FHOD3: variants seen among roughly 807,000 people sequenced by gnomAD.
The protein encoded by FHOD3 is FH1/FH2 domain-containing protein 3.
FHOD3 carries 90 observed loss-of-function variants against 173.0 expected under a neutral mutation model. The ratio of observed to expected loss-of-function variants is 0.52; its 90% CI spans 0.44 to 0.62. FHOD3 has a LOEUF of 0.62. FHOD3 is among the 20% of genes least tolerant of loss of function. The probability of loss-of-function intolerance (pLI) is 0.00; values close to 1 mark genes in which losing one functional copy is unlikely to be tolerated. For missense variants in FHOD3, 1,945 were observed against 2,034.7 expected (o/e 0.96, Z 0.85); for synonymous variants, 828 against 823.0 (o/e 1.01, Z -0.10).
chr18:36,400,321 G>GA (rs1474311585), intron 3 of FHOD3, among the ~76,000 whole-genome samples: 1 of 152,128 alleles, frequency 6.6e-6, no homozygotes, highest in Non-Finnish European at 1.5e-5. Context: ...TTTACCAAAA[G>GA]AAAAATAGAA....
chr18:36,617,722 C>T (rs2033342905), intron 9 of FHOD3, among the ~76,000 whole-genome samples: 1 of 152,132 alleles, frequency 6.6e-6, no homozygotes, highest in East Asian at 1.9e-4. Flanking sequence ...AGTGTCATTT[C>T]ATATTCTGGT....
chr18:36,445,840 A>G (rs1288921898), intron 3 of FHOD3, among the ~76,000 whole-genome samples: 3 of 152,244 alleles, frequency 2.0e-5, no homozygotes, highest in Non-Finnish European at 4.4e-5. Flanking sequence ...GCGGTCAGCC[A>G]CAGCCATCAG....
intron 10 of FHOD3, among the ~76,000 whole-genome samples, chr18:36,626,417 G>A (rs1239550168): frequency 7.9e-5 from 12 of 152,186 alleles, no homozygotes; most frequent in Non-Finnish European, 1.3e-4. Context: ...AATCCTATGA[G>A]ATATTATATG....
intron 3 of FHOD3, among the ~76,000 whole-genome samples, chr18:36,403,282 T>C (rs890612969): frequency 6.6e-6 from 1 of 152,214 alleles, no homozygotes; most frequent in Non-Finnish European, 1.5e-5. Flanking sequence ...ACTGGTAGAA[T>C]AGAGTAAGAC....
At chr18:36,435,673 A>G (rs2050775970) in intron 3 of FHOD3, among the ~76,000 whole-genome samples, 5 of 152,320 alleles carry the variant, frequency 3.3e-5, no homozygotes, top group South Asian at 4.1e-4. Flanking sequence ...AAAGCAACCC[A>G]TAGAACAAAT....
chr18:36,391,572 G>A (rs1337627031), intron 3 of FHOD3, among the ~76,000 whole-genome samples: 1 of 152,162 alleles, frequency 6.6e-6, no homozygotes, highest in African/African-American at 2.4e-5. Flanking sequence ...CAATGTCCTG[G>A]AAGCCTGGGG....
At chr18:36,512,693 T>TC (rs2146337231) in intron 5 of FHOD3, 150 bp downstream of exon 5, 7 of 617,878 alleles carry the variant, frequency 1.1e-5, no homozygotes, top group Admixed American at 2.7e-5. Flanking sequence ...ACATCTGCCA[T>TC]AGGTAAAACA....
chr18:36,389,770 C>G (rs1200715586), intron 3 of FHOD3, among the ~76,000 whole-genome samples: 1 of 152,132 alleles, frequency 6.6e-6, no homozygotes, highest in African/African-American at 2.4e-5. Context: ...CCCAGGAGGA[C>G]ATGTGTCTTC....
chr18:36,303,117 G>T (rs182823144), intron 1 of FHOD3, among the ~76,000 whole-genome samples: 1 of 152,324 alleles, frequency 6.6e-6, no homozygotes, highest in East Asian at 1.9e-4. Flanking sequence ...TGCACTGTAG[G>T]TCTCCATGTA....
At chr18:36,684,041 GTC>G (rs2038435831) in intron 15 of FHOD3, among the ~76,000 whole-genome samples, 1 of 152,222 alleles carries the variant, frequency 6.6e-6, no homozygotes, top group Non-Finnish European at 1.5e-5. Context: ...CTGAATGCAT[GTC>G]TGATTTGTAC....
intron 5 of FHOD3, among the ~76,000 whole-genome samples, chr18:36,566,878 T>A (rs770624839): frequency 5.5e-4 from 83 of 152,108 alleles, no homozygotes; most frequent in Non-Finnish European, 9.3e-4. Context: ...AAAAAAAAAA[T>A]TATACTTATA....
chr18:36,762,846 A>AT (rs2042940404), intron 27 of FHOD3, among the ~76,000 whole-genome samples: 1 of 148,066 alleles, frequency 6.8e-6, no homozygotes, highest in Admixed American at 6.8e-5. Context: ...ATAAATATAT[A>AT]ATCATATATA....
At chr18:36,627,689 A>C (rs1479367040) in intron 10 of FHOD3, among the ~76,000 whole-genome samples, 5 of 152,184 alleles carry the variant, frequency 3.3e-5, no homozygotes, top group South Asian at 2.1e-4. Context: ...TTCATTTACG[A>C]AGCCTGTTGG....
intron 2 of FHOD3, among the ~76,000 whole-genome samples, chr18:36,366,302 G>A (rs1025149281): frequency 1.3e-5 from 2 of 152,128 alleles, no homozygotes; most frequent in Non-Finnish European, 2.9e-5. Context: ...CAAAAATGAA[G>A]CAAGAGACAT....
chr18:36,400,481 A>G (rs1239549578), intron 3 of FHOD3, among the ~76,000 whole-genome samples: 2 of 152,162 alleles, frequency 1.3e-5, no homozygotes, highest in Non-Finnish European at 2.9e-5. Context: ...AGCAGCATTG[A>G]CATTACCTAG....
intron 5 of FHOD3, among the ~76,000 whole-genome samples, chr18:36,554,267 G>T (rs2057782233): frequency 6.6e-6 from 1 of 152,140 alleles, no homozygotes; most frequent in African/African-American, 2.4e-5. Flanking sequence ...ACTGGATTAA[G>T]AAAATGTGGC....
chr18:36,656,306 G>A (rs2036424653), intron 13 of FHOD3, among the ~76,000 whole-genome samples: 1 of 152,162 alleles, frequency 6.6e-6, no homozygotes, highest in Non-Finnish European at 1.5e-5. Context: ...CACTCACTTG[G>A]AGAAGCAATT....
chr18:36,513,299 C>T (rs2055767324), intron 5 of FHOD3, among the ~76,000 whole-genome samples: 1 of 152,034 alleles, frequency 6.6e-6, no homozygotes, highest in Admixed American at 6.6e-5. Flanking sequence ...AATTTTATAT[C>T]GTCCAATATT....
At chr18:36,320,811 A>G (rs2044355943) in intron 1 of FHOD3, among the ~76,000 whole-genome samples, 1 of 152,226 alleles carries the variant, frequency 6.6e-6, no homozygotes, top group Non-Finnish European at 1.5e-5. Context: ...CACTCAACAC[A>G]TTTTCATTGA....
Sources: gnomAD v4.1 joint callset for allele counts (sites outside exome capture counted in the v4.1 genomes callset) on GRCh38, gnomAD v4.1.1 for gene constraint, MANE v1.5 for transcripts, NCBI Gene and HGNC (gene_info 2026-07-23, HGNC 2026-07-21) for gene names.